The following KCTD16 variants were observed in gnomAD, a reference collection of about 807,000 sequenced individuals.
KCTD16 encodes potassium channel tetramerization domain containing 16.
KCTD16 carries 13 observed loss-of-function variants against 33.2 expected under a neutral mutation model. That is an observed-to-expected ratio of 0.39 (90% CI 0.25 to 0.62). The LOEUF (loss-of-function observed/expected upper bound fraction) is 0.62. Ranked by LOEUF, KCTD16 falls within the 20% of genes least tolerant of loss-of-function variation. KCTD16 has a pLI of 0.50. For missense variants in KCTD16, 441 were observed against 525.1 expected, an observed-to-expected ratio of 0.84 and a Z score of 1.57; for synonymous variants, 197 against 195.3, an observed-to-expected ratio of 1.01 and a Z score of -0.07.
At chr5:144,337,204 C>A (rs1487568082) in intron 3 of KCTD16, among the ~76,000 whole-genome samples, 1 of 151,624 alleles carries the variant, frequency 6.6e-6, no homozygotes, top group Non-Finnish European at 1.5e-5. Flanking sequence ...GGCATTTTTG[C>A]GTTGCGTGCT....
At chr5:144,243,769 G>A (rs1350020081) in intron 3 of KCTD16, among the ~76,000 whole-genome samples, 1 of 152,064 alleles carries the variant, frequency 6.6e-6, no homozygotes, top group Non-Finnish European at 1.5e-5. Context: ...GAGAGAGAGA[G>A]AGTCTCGTTC....
chr5:144,257,204 A>G (rs1467127794), intron 3 of KCTD16, among the ~76,000 whole-genome samples: 1 of 152,184 alleles, frequency 6.6e-6, no homozygotes, highest in African/African-American at 2.4e-5. Flanking sequence ...TACATATTGA[A>G]CAATTGAAAT....
At chr5:144,420,880 G>T (rs1264407174) in intron 3 of KCTD16, among the ~76,000 whole-genome samples, 8 of 152,132 alleles carry the variant, frequency 5.3e-5, no homozygotes, top group Admixed American at 4.6e-4. Context: ...GATGGCATTG[G>T]TTTGGATTGC....
At chr5:144,387,959 C>T (rs190214020) in intron 3 of KCTD16, among the ~76,000 whole-genome samples, 42 of 148,426 alleles carry the variant, frequency 2.8e-4, no homozygotes, top group African/African-American at 1.1e-3. Context: ...GCTAGCATTT[C>T]TACTGATTTC....
chr5:144,173,182 A>G (rs2126768470), intron 1 of KCTD16, among the ~76,000 whole-genome samples: 1 of 152,376 alleles, frequency 6.6e-6, no homozygotes, highest in African/African-American at 2.4e-5. Context: ...ATGCATGTGT[A>G]TGTTCATTGC....
At chr5:144,473,117 C>T (rs1023828480) in intron 3 of KCTD16, among the ~76,000 whole-genome samples, 5 of 152,122 alleles carry the variant, frequency 3.3e-5, no homozygotes, top group African/African-American at 9.7e-5. Flanking sequence ...CAGAGTCAGT[C>T]CCCTTTCCCT....
chr5:144,353,984 A>C (rs1751511721), intron 3 of KCTD16, among the ~76,000 whole-genome samples: 1 of 152,126 alleles, frequency 6.6e-6, no homozygotes, highest in Non-Finnish European at 1.5e-5. Context: ...TTTTTTGAAG[A>C]GAGAACAAAG....
At chr5:144,427,623 C>T (rs1272850355) in intron 3 of KCTD16, among the ~76,000 whole-genome samples, 1 of 152,058 alleles carries the variant, frequency 6.6e-6, no homozygotes, top group African/African-American at 2.4e-5. Context: ...TTCAAGTCAC[C>T]TATGGCATTT....
intron 3 of KCTD16, among the ~76,000 whole-genome samples, chr5:144,392,840 T>C (rs917368019): frequency 2.6e-5 from 4 of 152,190 alleles, no homozygotes; most frequent in Non-Finnish European, 4.4e-5. Flanking sequence ...ACGTGAAGCC[T>C]CCATCAACGC....
chr5:144,435,823 C>CTG (rs138524677), intron 3 of KCTD16, among the ~76,000 whole-genome samples: 5,908 of 143,522 alleles, frequency 0.041, 122 homozygotes, highest in Middle Eastern at 0.072. Flanking sequence ...GTGCGCTTTC[C>CTG]TGTGTGTGTG....
chr5:144,431,605 G>A (rs1334972576), intron 3 of KCTD16, among the ~76,000 whole-genome samples: 1 of 152,066 alleles, frequency 6.6e-6, no homozygotes, highest in Non-Finnish European at 1.5e-5. Context: ...AAAATTTTTG[G>A]TCCCTGAGTC....
chr5:144,452,713 A>C (rs906208281), intron 3 of KCTD16, among the ~76,000 whole-genome samples: 3 of 151,908 alleles, frequency 2.0e-5, no homozygotes, highest in Non-Finnish European at 4.4e-5. Context: ...CCAAATCTGG[A>C]CCAAAATAAA....
At position 144,484,131 on chromosome 5, in the gene KCTD16, GA is replaced by G. The variant is rs1282067988; in HGVS notation, c.*10018del. 2.0e-5 allele frequency: 3 copies of G among 151,892 alleles called. No homozygotes were observed. The highest frequency in any genetic ancestry group is 4.4e-5 in the Non-Finnish European group (3 of 67,904). 9.4% of individuals were successfully genotyped at this position (151,892 alleles called of 1,614,324 possible). On this transcript the variant is annotated 3_prime_UTR_variant, in exon 4 of 4. Coordinates refer to ENST00000512467, the MANE Select transcript of KCTD16 (RefSeq NM_020768.4). The stretch of plus-strand genomic sequence containing the variant: ...CTTAAAATATACTGCTTAGTTTAGA[GA>G]CGGACAAACTAATGTATTTTTGTAA...
At chr5:144,472,469 TC>T (rs1234332365) in intron 3 of KCTD16, among the ~76,000 whole-genome samples, 1 of 152,014 alleles carries the variant, frequency 6.6e-6, no homozygotes, top group Admixed American at 6.6e-5. Flanking sequence ...GCATTATGAG[TC>T]AAGACTCAGA....
At chr5:144,416,370 A>G (rs1017583939) in intron 3 of KCTD16, among the ~76,000 whole-genome samples, 1 of 152,198 alleles carries the variant, frequency 6.6e-6, no homozygotes, top group Non-Finnish European at 1.5e-5. Flanking sequence ...TAGTAGCCCA[A>G]CACTCAGTCT....
chr5:144,342,761 C>G lies in KCTD16; in HGVS notation c.833-130899C>G, dbSNP rs554635696. Reference sequence around the variant, plus strand: ...AGTTTGAGATATGTCCCATCAATACCTAGTTTATTGAGAGTTTTTAGCATG... The same window carrying G: ...AGTTTGAGATATGTCCCATCAATACGTAGTTTATTGAGAGTTTTTAGCATG... On this transcript the variant is annotated intron_variant, in intron 3 of 3. Transcript: ENST00000512467. Among the ~76,000 whole-genome samples the G allele has an allele frequency of 1.5e-4, 23 of 152,244 alleles. No individual in the cohort carries two copies. In the East Asian group the frequency reaches 4.2e-3, roughly 28 times the overall value.
chr5:144,457,179 A>G (rs1754085637), intron 3 of KCTD16, among the ~76,000 whole-genome samples: 1 of 152,240 alleles, frequency 6.6e-6, no homozygotes, highest in Non-Finnish European at 1.5e-5. Context: ...TGCTCCCTCC[A>G]ATGACTCGGG....
At chr5:144,387,745 C>T (rs1337205391) in intron 3 of KCTD16, among the ~76,000 whole-genome samples, 1 of 152,124 alleles carries the variant, frequency 6.6e-6, no homozygotes, top group Non-Finnish European at 1.5e-5. Context: ...GGTTTCTATG[C>T]CACTTAGAAA....
chr5:144,183,929 G>A (rs7709015), intron 2 of KCTD16, among the ~76,000 whole-genome samples: 43,286 of 151,876 alleles, frequency 0.29, 7,512 homozygotes, highest in African/African-American at 0.48. Context: ...ACTTTACTTC[G>A]TGACAATTTC....
Sources: allele counts gnomAD v4.1 joint callset (sites outside exome capture counted in the v4.1 genomes callset), GRCh38; gene constraint gnomAD v4.1.1; transcripts MANE v1.5; gene names NCBI Gene and HGNC (gene_info 2026-07-23, HGNC 2026-07-21).